Variants in SALL1 observed in about 807,000 individuals in gnomAD.
The protein encoded by SALL1 is spalt like transcription factor 1.
Under a neutral mutation model 73.1 loss-of-function variants are expected in SALL1, and 10 were observed. That is an observed-to-expected ratio of 0.14 (90% CI 0.08 to 0.23). The LOEUF is 0.23. SALL1 is among the 10% of genes least tolerant of loss of function. The pLI, the probability that SALL1 is intolerant of heterozygous loss-of-function variation, is 1.00. For synonymous variants in SALL1, 688 were observed against 689.8 expected (o/e 1.00, Z 0.04); for missense variants, 1,520 against 1,697.3 (o/e 0.90, Z 1.84).
chr16:51,144,275 A>G (rs1819475833), intron 1 of SALL1, among the ~76,000 whole-genome samples: 2 of 152,306 alleles, frequency 1.3e-5, no homozygotes, highest in South Asian at 4.1e-4. Context: ...TTATGTTTCC[A>G]TCTACTTTTA....
At position 51,140,695 on chromosome 16, in the gene SALL1, G is replaced by A. The variant is rs1346104453; in HGVS notation, c.1527C>T (p.Asn509=). 19 of 1,614,062 alleles carry A rather than the reference G, an allele frequency of 1.2e-5. No homozygotes were observed. Among genetic ancestry groups the A allele is most frequent in the Non-Finnish European group, 1.6e-5 (19 of 1,180,030 alleles). ...HKEKYPHIQM[N]PYPVPEHLDN... ...CCAAATGCTCAGGCACAGGATAGGG[G>A]TTCATCTGGATATGAGGGTATTTCT... The change falls in exon 2 of 3, where the codon AAC becomes AAT. Residue 509 remains asparagine, a synonymous_variant. Coordinates refer to ENST00000251020, the MANE Select transcript of SALL1 (RefSeq NM_002968.3). The surrounding 1 kb of genome is among the most constrained non-coding windows in gnomAD (Gnocchi z 5.7).
intron 1 of SALL1, chr16:51,143,198 G>T: frequency 4.4e-6 from 1 of 227,312 alleles, no homozygotes; most frequent in Admixed American, 5.2e-5. Flanking sequence ...AGATTGTCCT[G>T]AACATTTTAT....
chr16:51,140,595 C>G lies in SALL1; in HGVS notation c.1627G>C (p.Asp543His), dbSNP rs1359973318. The G allele has an allele frequency of 1.9e-6, 3 of 1,614,042 alleles. No homozygotes were observed. In the South Asian group the frequency reaches 3.3e-5, roughly 18 times the overall value. Reference sequence around the variant, plus strand: ...AGAGTAGGCAGGACTGGTTTGGTGTCTAGCCAGCTGGTGACTGGCTTCTCT... The same window carrying G: ...AGAGTAGGCAGGACTGGTTTGGTGTGTAGCCAGCTGGTGACTGGCTTCTCT... ...PPEKPVTSWL[D>H]TKPVLPTLTT... The change falls in exon 2 of 3, where the codon GAC becomes CAC. Residue 543 changes from aspartate (D) to histidine (H), a missense_variant. By Grantham distance (81) the Asp-to-His change is moderately conservative. Around this residue, in one of 7 missense-constraint regions of SALL1, gnomAD observed 276 missense variants for 259.1 expected, o/e 1.07. Coordinates refer to ENST00000251020, the MANE Select transcript of SALL1 (RefSeq NM_002968.3). The surrounding 1 kb of genome is among the most constrained non-coding windows in gnomAD (Gnocchi z 5.7).
rs1319152378 is a variant in SALL1, at chr16:51,139,132, A to T, written c.3090T>A (p.Ile1030=). The T allele has an allele frequency of 1.4e-5, 22 of 1,614,120 alleles. No homozygotes were observed. The highest frequency in any genetic ancestry group is 1.7e-5 in the Non-Finnish European group (20 of 1,180,048). The change falls in exon 2 of 3, where the codon ATT becomes ATA. Residue 1030 remains isoleucine (I), a synonymous_variant. Transcript: ENST00000251020. ...YRSHTKERPF[I]CTVCNRGFST... ...AAAAGCCACGATTGCAAACTGTGCA[A>T]ATAAATGGTCTCTCTTTGGTATGAC...
chr16:51,147,449 G>T (rs900900005), intron 1 of SALL1, among the ~76,000 whole-genome samples: 1 of 151,800 alleles, frequency 6.6e-6, no homozygotes, highest in African/African-American at 2.4e-5. Context: ...GCAGGTGTTG[G>T]TTTTTTTTAA....
chr16:51,148,984 C>A (rs1829576342), intron 1 of SALL1, among the ~76,000 whole-genome samples: 1 of 151,748 alleles, frequency 6.6e-6, no homozygotes, highest in Non-Finnish European at 1.5e-5. Flanking sequence ...GACAATGTAC[C>A]AGCTTTTGCG....
intron 1 of SALL1, among the ~76,000 whole-genome samples, chr16:51,147,165 C>T (rs889268310): frequency 1.3e-5 from 2 of 152,188 alleles, no homozygotes; most frequent in Admixed American, 6.5e-5. Flanking sequence ...AGAACCTATA[C>T]GTTGGCACTT....
chr16:51,151,905 C>CG (rs1309828721), upstream of SALL1, among the ~76,000 whole-genome samples: 2 of 151,430 alleles, frequency 1.3e-5, no homozygotes, highest in Non-Finnish European at 3.0e-5. Context: ...CGCCGGCCCG[C>CG]GGGGGGAGGG....
chr16:51,140,515 G>T lies in SALL1; in HGVS notation c.1707C>A (p.Phe569Leu). The T allele has an allele frequency of 6.2e-7, 1 of 1,614,032 alleles. No individual in the cohort carries two copies. Among genetic ancestry groups the T allele is most frequent in the Non-Finnish European group, 8.5e-7 (1 of 1,179,956 alleles). The change falls in exon 2 of 3, where the codon TTC becomes TTA. Residue 569 changes from phenylalanine to leucine, a missense_variant. Phe to Leu is a conservative substitution (Grantham distance 22). Transcript: ENST00000251020. The surrounding 1 kb of genome is among the most constrained non-coding windows in gnomAD (Gnocchi z 5.7). ...TGGGGGCTGGCTCTTCCGTCTTGATGAAGGGTATGAGGCTTGGGAGGGTTG... is the reference window on the plus strand; with the variant it reads ...TGGGGGCTGGCTCTTCCGTCTTGATTAAGGGTATGAGGCTTGGGAGGGTTG... Reference protein sequence around the residue: ...LPPTLPSLIPFIKTEEPAPIP... With the variant: ...LPPTLPSLIPLIKTEEPAPIP...
At chr16:51,152,139 G>A (rs989552426), upstream of SALL1, 4 of 152,068 alleles carry the variant, frequency 2.6e-5, no homozygotes, top group African/African-American at 9.7e-5. Context: ...CCTGGATCCC[G>A]GGCTCGCGGG....
Position 51,141,850 on chromosome 16 carries a change from G to C in SALL1, c.372C>G (p.Ser124=). ...TAGCAACCGGGGCCTCCACCTCCAT[G>C]GACTCTTCCCTGTCAAGTCCGTTGT... is the stretch of plus-strand genomic sequence containing the variant. ...SEHNGLDREE[S]MEVEAPVANK... Residue 124 remains serine, a synonymous_variant, in exon 2 of 3, where the codon TCC becomes TCG. Transcript: ENST00000251020. This position sits in a 1 kb window ranked among gnomAD's most constrained non-coding sequence, Gnocchi z 5.4. The C allele has an allele frequency of 6.2e-7, 1 of 1,613,822 alleles. No homozygotes were observed. Among genetic ancestry groups the C allele is most frequent in the South Asian group, 1.1e-5 (1 of 91,066 alleles).
At position 51,138,791 on chromosome 16, in the gene SALL1, GAGA is replaced by G; in HGVS notation, c.3428_3430del (p.Phe1143del). 1 of 1,614,218 alleles carries G rather than the reference GAGA, an allele frequency of 6.2e-7. No individual in the cohort carries two copies. The highest frequency in any genetic ancestry group is 8.5e-7 in the Non-Finnish European group (1 of 1,180,026). On this transcript the variant is annotated inframe_deletion, in exon 2 of 3. Coordinates refer to ENST00000251020, the MANE Select transcript of SALL1 (RefSeq NM_002968.3). Reference sequence around the variant, plus strand: ...GTGAATCTGCAGGGCACTCGATGAGGAGAAGGTTTTGCCACATGTGTTGCAGTA... The same window carrying G: ...GTGAATCTGCAGGGCACTCGATGAGGAGGTTTTGCCACATGTGTTGCAGTA...
At position 51,139,190 on chromosome 16, in the gene SALL1, G is replaced by A. The variant is rs1304603942; in HGVS notation, c.3032C>T (p.Ala1011Val). 1.9e-6 allele frequency: 3 copies of A among 1,614,090 alleles called. No homozygotes were observed. Among genetic ancestry groups the A allele is most frequent in the Non-Finnish European group, 2.5e-6 (3 of 1,180,042 alleles). Residue 1011 changes from alanine to valine, a missense_variant, in exon 2 of 3, where the codon GCT (alanine) becomes GTT (valine). Around this residue, in one of 7 missense-constraint regions of SALL1, gnomAD observed 22 missense variants for 52.0 expected, o/e 0.42. Coordinates refer to ENST00000251020, the MANE Select transcript of SALL1 (RefSeq NM_002968.3). ...GTGAATGTCCAAGGCACTCTGACAA[G>A]CAAATGTTTTGCCACAAATGTCACA... ...TACDICGKTF[A>V]CQSALDIHYR...
At position 51,139,397 on chromosome 16, in the gene SALL1, G is replaced by T. The variant is rs751069468; in HGVS notation, c.2825C>A (p.Pro942His). 1.8e-5 allele frequency: 29 copies of T among 1,614,012 alleles called. No homozygotes were observed. Among genetic ancestry groups the T allele is most frequent in the Non-Finnish European group, 2.5e-5 (29 of 1,180,038 alleles). Residue 942 changes from proline (P) to histidine (H), a missense_variant, in exon 2 of 3, where the codon CCC becomes CAC. By Grantham distance (77) the Pro-to-His change is moderately conservative (BLOSUM62 -2). Coordinates refer to ENST00000251020, the MANE Select transcript of SALL1 (RefSeq NM_002968.3). The stretch of plus-strand genomic sequence containing the variant: ...TCTCTGTGGTTTCTCCTCAATGCTG[G>T]GTGACTTGTGGAACTCCTGCGTGCT... ...SNSTQEFHKSPSIEEKPQRAV... is the reference protein window; with the variant it reads ...SNSTQEFHKSHSIEEKPQRAV...
At chr16:51,150,444 C>G in intron 1 of SALL1, 2 of 985,550 alleles carry the variant, frequency 2.0e-6, no homozygotes, top group Non-Finnish European at 2.4e-6. Context: ...ATAAATTTTG[C>G]GAGCCAGACC....
rs758330038 is a variant in SALL1 at position 51,140,824 on chromosome 16, G to A, written c.1398C>T (p.Ile466=). 6 of 1,614,192 alleles carry A rather than the reference G, an allele frequency of 3.7e-6. No individual in the cohort carries two copies. The highest frequency in any genetic ancestry group is 5.1e-6 in the Non-Finnish European group (6 of 1,180,030). ...KVFGSDSALQ[I]HLRSHTGERP... Reference sequence around the variant, plus strand: ...TCTCTCCGGTATGGGAACGCAAGTGGATCTGCAAGGCACTGTCACTCCCAA... The same window carrying A: ...TCTCTCCGGTATGGGAACGCAAGTGAATCTGCAAGGCACTGTCACTCCCAA... Residue 466 remains isoleucine, a synonymous_variant, in exon 2 of 3, where the codon ATC becomes ATT. Transcript: ENST00000251020. The surrounding 1 kb of genome is among the most constrained non-coding windows in gnomAD (Gnocchi z 5.7).
intron 2 of SALL1, 24 bp downstream of exon 2, chr16:51,138,664 T>C (rs113281576): frequency 1.3e-6 from 2 of 1,598,940 alleles, no homozygotes; most frequent in Non-Finnish European, 1.7e-6. Flanking sequence ...ATGGAGCAGG[T>C]ATGGTGCAGA....
Position 51,137,391 on chromosome 16 carries a change from G to A in SALL1, c.3696C>T (p.Ser1232=). The part of the protein sequence containing the change: ...AARSGSGDPS[S]FWNQYAAALS... ...GCGCTGCTGCATACTGATTCCAGAAGCTGGAAGGATCCCCACTTCCTGATC... is the reference window on the plus strand; with the variant it reads ...GCGCTGCTGCATACTGATTCCAGAAACTGGAAGGATCCCCACTTCCTGATC... The change falls in exon 3 of 3, where the codon AGC becomes AGT. Residue 1232 remains serine (S), a synonymous_variant. Transcript: ENST00000251020. 2 of 1,614,166 alleles carry A rather than the reference G, an allele frequency of 1.2e-6. No individual in the cohort carries two copies. The highest frequency in any genetic ancestry group is 1.7e-6 in the Non-Finnish European group (2 of 1,180,040).
chr16:51,139,660 C>A lies in SALL1; in HGVS notation c.2562G>T (p.Ser854=), dbSNP rs758297527. Residue 854 remains serine (S), a synonymous_variant, in exon 2 of 3, where the codon TCG becomes TCT. Coordinates refer to ENST00000251020, the MANE Select transcript of SALL1 (RefSeq NM_002968.3). ...ADASQDSLSS[S]PLPLEMSSIA... ...TGCTCGACATCTCGAGGGGCAAAGG[C>A]GAAGAGGATAAGCTGTCTTGGGAGG... is the stretch of plus-strand genomic sequence containing the variant. 1 of 1,614,058 alleles carries A rather than the reference C, an allele frequency of 6.2e-7. No homozygotes were observed. The highest frequency in any genetic ancestry group is 1.7e-5 in the Admixed American group (1 of 60,020).
Sources: allele counts gnomAD v4.1 joint callset (sites outside exome capture counted in the v4.1 genomes callset), GRCh38; gene constraint gnomAD v4.1.1; regional missense constraint gnomAD v4.1.1; non-coding constraint Gnocchi (gnomAD v3.1); transcripts MANE v1.5; gene names NCBI Gene and HGNC (gene_info 2026-07-23, HGNC 2026-07-21).